Variants in ZNF385D observed in about 807,000 individuals in gnomAD.
The protein encoded by ZNF385D is zinc finger protein 659.
ZNF385D carries 15 observed loss-of-function variants against 35.8 expected under a neutral mutation model. The observed-to-expected ratio is 0.42, with a 90% CI of 0.28 to 0.64. The LOEUF (loss-of-function observed/expected upper bound fraction) is 0.64, where lower values mean the gene tolerates loss of function less well. ZNF385D is among the 30% of genes least tolerant of loss of function. The pLI is 0.23. For synonymous variants in ZNF385D, 212 were observed against 186.8 expected, an observed-to-expected ratio of 1.13 and a Z score of -1.10; for missense variants, 474 against 494.6, an observed-to-expected ratio of 0.96 and a Z score of 0.39.
chr3:21,791,136 A>G (rs541001027), intron 3 of ZNF385D, among the ~76,000 whole-genome samples: 7 of 152,202 alleles, frequency 4.6e-5, no homozygotes, highest in Non-Finnish European at 8.8e-5. Context: ...ATAAAGGTCA[A>G]TGCAGCATTT....
intron 3 of ZNF385D, among the ~76,000 whole-genome samples, chr3:21,914,741 A>T (rs1271372456): frequency 1.3e-5 from 2 of 152,050 alleles, no homozygotes; most frequent in Non-Finnish European, 2.9e-5. Flanking sequence ...CTTAAGAAAG[A>T]GTTTTACTTG....
At chr3:22,197,334 G>A (rs916467021) in intron 2 of ZNF385D, among the ~76,000 whole-genome samples, 5 of 151,886 alleles carry the variant, frequency 3.3e-5, no homozygotes, top group African/African-American at 1.2e-4. Flanking sequence ...TTTTCATGAT[G>A]AACCATGTAT....
chr3:21,620,388 T>C (rs9879762), intron 2 of ZNF385D, among the ~76,000 whole-genome samples: 1 of 152,090 alleles, frequency 6.6e-6, no homozygotes, highest in East Asian at 1.9e-4. Flanking sequence ...CTAAATCCCC[T>C]CTTAGTGGTT....
At chr3:21,826,738 G>A (rs1420051173) in intron 3 of ZNF385D, among the ~76,000 whole-genome samples, 1 of 151,090 alleles carries the variant, frequency 6.6e-6, no homozygotes, top group Non-Finnish European at 1.5e-5. Context: ...AACATTAAAT[G>A]ACAGCAGAAG....
chr3:21,760,330 T>C (rs752736197), intron 3 of ZNF385D, among the ~76,000 whole-genome samples: 1 of 152,222 alleles, frequency 6.6e-6, no homozygotes, highest in Non-Finnish European at 1.5e-5. Context: ...ACTTAATTCA[T>C]CTTGCTGTCA....
intron 2 of ZNF385D, among the ~76,000 whole-genome samples, chr3:22,176,874 T>A (rs886686976): frequency 3.3e-5 from 5 of 152,180 alleles, no homozygotes; most frequent in African/African-American, 1.2e-4. Flanking sequence ...AGGTAAATCA[T>A]TCAAGTAGAA....
At chr3:22,166,740 G>A (rs544884307) in intron 3 of ZNF385D, among the ~76,000 whole-genome samples, 1 of 152,304 alleles carries the variant, frequency 6.6e-6, no homozygotes, top group East Asian at 1.9e-4. Flanking sequence ...AATTATGCTT[G>A]GGACTAACTC....
intron 1 of ZNF385D, among the ~76,000 whole-genome samples, chr3:21,681,311 A>AAAC (rs1553636409): frequency 6.7e-6 from 1 of 150,062 alleles, no homozygotes; most frequent in Admixed American, 6.6e-5. Flanking sequence ...AAAAAAAAAA[A>AAAC]AAAAAAAAAA....
chr3:22,211,117 A>C (rs1213167627), intron 2 of ZNF385D, among the ~76,000 whole-genome samples: 1 of 151,912 alleles, frequency 6.6e-6, no homozygotes, highest in Non-Finnish European at 1.5e-5. Context: ...TTTAAGTAGA[A>C]GGAGTGTGTT....
intron 2 of ZNF385D, among the ~76,000 whole-genome samples, chr3:22,329,723 A>T (rs1694847649): frequency 6.6e-6 from 1 of 152,178 alleles, no homozygotes; most frequent in Non-Finnish European, 1.5e-5. Context: ...GCCACATGTA[A>T]TTTTATGTTT....
intron 3 of ZNF385D, among the ~76,000 whole-genome samples, chr3:22,092,335 A>G (rs142777892): frequency 1.3e-5 from 2 of 152,148 alleles, no homozygotes; most frequent in Admixed American, 6.5e-5. Context: ...TGGCTCCTAC[A>G]ACACAGCTTG....
At chr3:21,815,743 C>T (rs1269651717) in intron 3 of ZNF385D, among the ~76,000 whole-genome samples, 2 of 152,190 alleles carry the variant, frequency 1.3e-5, no homozygotes, top group African/African-American at 2.4e-5. Flanking sequence ...CTGAATTCTA[C>T]CAGAGGTACA....
At chr3:21,758,987 A>AAAAAAC (rs1559593437) in intron 3 of ZNF385D, among the ~76,000 whole-genome samples, 2 of 144,948 alleles carry the variant, frequency 1.4e-5, no homozygotes, top group African/African-American at 5.3e-5. Context: ...AAAAAAAAAA[A>AAAAAAC]AAAAAAAAAA....
rs373937020 is a variant in ZNF385D, at chr3:21,447,638, C to T, written c.440-10435G>A. Among the ~76,000 whole-genome samples, 45 of 152,244 alleles carry T rather than the reference C, an allele frequency of 3.0e-4. 1 individual carries two copies. Among genetic ancestry groups the T allele is most frequent in the African/African-American group, 9.1e-4 (38 of 41,548 alleles). On this transcript the variant is annotated intron_variant, in intron 4 of 7. Transcript: ENST00000281523. ...GTTTGTCATGTGTCCTTACTATCCACGATATCTAACGGTTGGAATTATGAC... is the reference window on the plus strand; with the variant it reads ...GTTTGTCATGTGTCCTTACTATCCATGATATCTAACGGTTGGAATTATGAC...
intron 2 of ZNF385D, among the ~76,000 whole-genome samples, chr3:22,208,177 GA>G (rs1697278535): frequency 6.6e-6 from 1 of 151,876 alleles, no homozygotes; most frequent in Non-Finnish European, 1.5e-5. Flanking sequence ...GCCAATATTT[GA>G]AAACAATCTA....
At chr3:21,749,889 T>G (rs1246641241) in intron 1 of ZNF385D, among the ~76,000 whole-genome samples, 1 of 152,226 alleles carries the variant, frequency 6.6e-6, no homozygotes, top group Non-Finnish European at 1.5e-5. Flanking sequence ...TAAATACCTC[T>G]TTAATCTGAA....
In ZNF385D at chr3:21,656,364, C is replaced by T. The variant is rs539355613; in HGVS notation, c.165+8522G>A. ...TAGAAATCCAAGATCAAGGTGTCAG[C>T]AGGGTTGGTTTCTTCTGAAGATTGT... On this transcript the variant is annotated intron_variant, in intron 2 of 7. Transcript: ENST00000281523. Among the ~76,000 whole-genome samples the T allele has an allele frequency of 5.3e-5, 8 of 152,074 alleles. No individual in the cohort carries two copies. In the East Asian group the frequency reaches 9.7e-4, roughly 18 times the overall value.
In ZNF385D at chr3:21,930,277, CAA is replaced by C. The variant is rs11453603; in HGVS notation, c.325+238538_325+238539del. ...AGTTGAACACTTTTTTTATACTGTA[CAA>C]AAAAAAAAAAACTAGAAACGGATCA... On this transcript the variant is annotated intron_variant, in intron 3 of 5. Transcript: ENST00000494108. Among the ~76,000 whole-genome samples, 23 of 112,018 alleles carry C rather than the reference CAA, an allele frequency of 2.1e-4. No homozygotes were observed. In the East Asian group the frequency reaches 2.7e-3, roughly 13 times the overall value. The allele number at this position is 112,018 out of a possible 152,430, so 73.5% of individuals were successfully genotyped here. A position where few individuals can be genotyped will look rare whatever the true frequency, so the allele number is the denominator to read the frequency against.
chr3:22,030,571 A>T (rs1206287714), intron 3 of ZNF385D, among the ~76,000 whole-genome samples: 2 of 151,818 alleles, frequency 1.3e-5, no homozygotes, highest in African/African-American at 2.4e-5. Context: ...GTATCATGAG[A>T]ACAGCATGGA....
Sources: gnomAD v4.1 joint callset for allele counts (sites outside exome capture counted in the v4.1 genomes callset) on GRCh38, gnomAD v4.1.1 for gene constraint, MANE v1.5 for transcripts, NCBI Gene and HGNC (gene_info 2026-07-23, HGNC 2026-07-21) for gene names.